Variants in ORC3 observed in about 807,000 individuals in gnomAD.
The protein encoded by ORC3 is origin recognition complex subunit 3.
In ORC3, 78 loss-of-function variants were observed where a neutral mutation model predicts 100.7. That is an observed-to-expected ratio of 0.77 (90% CI 0.65 to 0.94). The LOEUF is 0.94. ORC3 is among the 40% of genes least tolerant of loss of function. The pLI is 0.00. For synonymous variants in ORC3, 295 were observed against 289.3 expected (o/e 1.02, Z -0.20); for missense variants, 789 against 823.9 (o/e 0.96, Z 0.52).
the ORC3 span, among the ~76,000 whole-genome samples, chr6:87,676,244 C>G: frequency 6.6e-6 from 1 of 151,416 alleles, no homozygotes; most frequent in East Asian, 1.9e-4. Flanking sequence ...GCGGGCGGAT[C>G]ACAAGGTCAG....
intron 2 of ORC3, among the ~76,000 whole-genome samples, chr6:87,599,713 C>T (rs1020897645): frequency 1.4e-5 from 2 of 139,196 alleles, no homozygotes; most frequent in African/African-American, 5.4e-5. Context: ...GGGTGATGTA[C>T]GCCTGTAATA....
intron 7 of ORC3, 95 bp downstream of exon 7, chr6:87,609,324 C>T: frequency 1.3e-6 from 1 of 790,568 alleles, no homozygotes. Flanking sequence ...TTAATACCAA[C>T]TGGATAAAAA....
intron 11 of ORC3, among the ~76,000 whole-genome samples, chr6:87,623,279 T>C (rs1280563526): frequency 6.6e-6 from 1 of 152,234 alleles, no homozygotes; most frequent in Non-Finnish European, 1.5e-5. Flanking sequence ...CACTTCTAGA[T>C]TGGGCTCAAT....
chr6:87,630,615 T>C (rs1767333563), intron 11 of ORC3, among the ~76,000 whole-genome samples: 1 of 152,166 alleles, frequency 6.6e-6, no homozygotes. Context: ...AAATATCTGT[T>C]AGTGATAAGT....
At chr6:87,646,547 A>G (rs1239615584) in intron 13 of ORC3, among the ~76,000 whole-genome samples, 1 of 152,244 alleles carries the variant, frequency 6.6e-6, no homozygotes, top group Non-Finnish European at 1.5e-5. Context: ...GATTACAATT[A>G]GGCTTGTGCT....
downstream of ORC3, among the ~76,000 whole-genome samples, chr6:87,671,756 T>C (rs1470354723): frequency 6.6e-6 from 1 of 152,100 alleles, no homozygotes; most frequent in East Asian, 1.9e-4. Flanking sequence ...TTTAACAATG[T>C]GGAAATCTTT....
intron 13 of ORC3, among the ~76,000 whole-genome samples, chr6:87,649,546 G>A (rs1048202572): frequency 6.6e-6 from 1 of 152,120 alleles, no homozygotes; most frequent in African/African-American, 2.4e-5. Context: ...TTAGGAGTTC[G>A]AGACCAGCCT....
intron 11 of ORC3, among the ~76,000 whole-genome samples, chr6:87,623,889 AAAAAC>A (rs1299794567): frequency 2.0e-5 from 3 of 152,276 alleles, no homozygotes; most frequent in South Asian, 2.1e-4. Context: ...GTCTTTAAAA[AAAAAC>A]AAAACAAAAC....
intron 11 of ORC3, among the ~76,000 whole-genome samples, chr6:87,633,503 CAT>C (rs1304561569): frequency 6.6e-6 from 1 of 152,118 alleles, no homozygotes; most frequent in Non-Finnish European, 1.5e-5. Context: ...TTTAATCTGC[CAT>C]GTGCTTTCAG....
intron 3 of ORC3, among the ~76,000 whole-genome samples, chr6:87,602,836 C>T (rs556797828): frequency 2.5e-4 from 38 of 150,056 alleles, no homozygotes; most frequent in Non-Finnish European, 1.0e-4. Context: ...GTCTTTACTT[C>T]ACATCCCTTC....
rs1770706310 is a variant in ORC3, at chr6:87,667,121, T to G, written c.2134T>G (p.Ter712GluextTer12). 1 of 1,580,140 alleles carries G rather than the reference T, an allele frequency of 6.3e-7. No homozygotes were observed. The highest frequency in any genetic ancestry group is 1.7e-5 in the Admixed American group (1 of 57,738). ...GGCAAGACTAACATGGGGAGGCTGCTAGAAAGCAAATAAGCAAAGCCAGAA... is the reference window on the plus strand; with the variant it reads ...GGCAAGACTAACATGGGGAGGCTGCGAGAAAGCAAATAAGCAAAGCCAGAA... ...HVARLTWGGC[*>E] Residue 712 changes from the stop codon to glutamate (E), a stop_lost, in exon 20 of 20, where the codon TAG becomes GAG. Transcript: ENST00000392844.
chr6:87,609,043 G>C, intron 6 of ORC3, 53 bp from the exon 7 acceptor site: 1 of 1,462,916 alleles, frequency 6.8e-7, no homozygotes, highest in Non-Finnish European at 9.1e-7. Flanking sequence ...TTATAACATT[G>C]TTTGAGTGGT....
At chr6:87,622,810 A>T (rs1779630075) in intron 11 of ORC3, among the ~76,000 whole-genome samples, 2 of 152,154 alleles carry the variant, frequency 1.3e-5, no homozygotes, top group South Asian at 4.1e-4. Flanking sequence ...TTTGTACTTA[A>T]TCTTGGAAAT....
At chr6:87,592,994 G>A (rs1777151320) in intron 1 of ORC3, among the ~76,000 whole-genome samples, 1 of 152,162 alleles carries the variant, frequency 6.6e-6, no homozygotes, top group Non-Finnish European at 1.5e-5. Flanking sequence ...TCAGGAGGCT[G>A]AGGCAGGAGA....
chr6:87,641,465 C>T (rs2128281897), intron 13 of ORC3, among the ~76,000 whole-genome samples: 1 of 152,198 alleles, frequency 6.6e-6, no homozygotes, highest in East Asian at 1.9e-4. Context: ...AATTTTAAAC[C>T]AGCAGAGCAA....
rs780439575 is a variant in ORC3 at position 87,622,004 on chromosome 6, A to G, written c.1176A>G (p.Arg392=). ...AAGTTGCGCTCTTGACCAATGAGAGATATTTGAAGGTAGGAATGTGAATGT... is the reference window on the plus strand; with the variant it reads ...AAGTTGCGCTCTTGACCAATGAGAGGTATTTGAAGGTAGGAATGTGAATGT... ...EKQVALLTNE[R]YLKEETQLLL... is the part of the protein sequence containing the mutation. The change falls in exon 11 of 20, where the codon AGA becomes AGG. Residue 392 remains arginine (R), a synonymous_variant. Coordinates refer to ENST00000392844, the MANE Select transcript of ORC3 (RefSeq NM_012381.4). The G allele has an allele frequency of 5.0e-6, 8 of 1,604,926 alleles. No homozygotes were observed. The highest frequency in any genetic ancestry group is 2.7e-5 in the African/African-American group (2 of 74,718).
At chr6:87,657,569 G>A (rs957481598) in intron 15 of ORC3, among the ~76,000 whole-genome samples, 3 of 152,130 alleles carry the variant, frequency 2.0e-5, no homozygotes, top group Non-Finnish European at 4.4e-5. Context: ...TATTCTGTTA[G>A]TATGGCAAAA....
chr6:87,619,807 G>T (rs1358896306), intron 9 of ORC3, among the ~76,000 whole-genome samples: 2 of 152,172 alleles, frequency 1.3e-5, no homozygotes, highest in African/African-American at 4.8e-5. Flanking sequence ...ACAAGTGACA[G>T]CATCTTTAGA....
intron 13 of ORC3, among the ~76,000 whole-genome samples, chr6:87,637,251 A>G (rs1356991203): frequency 1.3e-5 from 2 of 152,184 alleles, no homozygotes; most frequent in Non-Finnish European, 2.9e-5. Flanking sequence ...CTGGGCCCAC[A>G]AGAAAAGAAC....
Sources: allele counts gnomAD v4.1 joint callset (sites outside exome capture counted in the v4.1 genomes callset), GRCh38; gene constraint gnomAD v4.1.1; transcripts MANE v1.5; gene names NCBI Gene and HGNC (gene_info 2026-07-23, HGNC 2026-07-21).